The following FOXK2 variants were observed in gnomAD, a reference collection of about 807,000 sequenced individuals.
FOXK2 encodes forkhead box K2, also known as forkhead box protein K2.
Under a neutral mutation model 53.3 loss-of-function variants are expected in FOXK2, and 24 were observed. That is an observed-to-expected ratio of 0.45 (90% CI 0.33 to 0.63). The LOEUF (loss-of-function observed/expected upper bound fraction) is 0.63. Among genes scored for constraint, FOXK2 ranks in the 30% least tolerant of loss-of-function variants. The pLI, the probability that FOXK2 is intolerant of heterozygous loss-of-function variation, is 0.03. For synonymous variants in FOXK2, 505 were observed against 407.1 expected (o/e 1.24, Z -2.89); for missense variants, 952 against 910.5 (o/e 1.05, Z -0.59).
rs371793159 is a variant in FOXK2 at position 82,520,053 on chromosome 17, C to T, written c.165C>T (p.Thr55=). 9 of 1,537,890 alleles carry T rather than the reference C, an allele frequency of 5.9e-6. No individual in the cohort carries two copies. The highest frequency in any genetic ancestry group is 7.9e-6 in the Non-Finnish European group (9 of 1,144,450). The part of the protein sequence containing the change: ...FEYLMKKRSV[T]IGRNSSQGSV... ...ATCTGATGAAGAAGCGCTCGGTGACCATCGGCCGCAACTCGTCGCAGGGCT... is the reference window on the plus strand; with the variant it reads ...ATCTGATGAAGAAGCGCTCGGTGACTATCGGCCGCAACTCGTCGCAGGGCT... The change falls in exon 1 of 9, where the codon ACC becomes ACT. Residue 55 remains threonine (T), a synonymous_variant. Transcript: ENST00000335255.
chr17:82,586,129 T>A lies in FOXK2; in HGVS notation c.1505T>A (p.Val502Asp), dbSNP rs767426812. 3.7e-6 allele frequency: 6 copies of A among 1,612,226 alleles called. No homozygotes were observed. The highest frequency in any genetic ancestry group is 5.1e-6 in the Non-Finnish European group (6 of 1,179,870). ...NTYTVSGQAV[V>D]TPAAVLAPPK... ...TACACTGTCTCTGGACAAGCTGTGG[T>A]CACCCCGGCAGCCGTGCTGGCCCCT... The change falls in exon 7 of 9, where the codon GTC becomes GAC. Residue 502 changes from valine (V) to aspartate (D), a missense_variant. By Grantham distance (152) the Val-to-Asp change is radical. Around this residue, in one of 5 missense-constraint regions of FOXK2, gnomAD observed 551 missense variants for 385.1 expected, o/e 1.43. Transcript: ENST00000335255.
chr17:82,586,719 C>G (rs575230437), intron 7 of FOXK2, among the ~76,000 whole-genome samples: 2 of 151,956 alleles, frequency 1.3e-5, no homozygotes, highest in Non-Finnish European at 2.9e-5. Flanking sequence ...CTGACCAACA[C>G]GGAGAAACCC....
chr17:82,557,038 A>T (rs74464266), intron 1 of FOXK2, among the ~76,000 whole-genome samples: 24,374 of 141,336 alleles, frequency 0.17, 2,406 homozygotes, highest in East Asian at 0.39. Flanking sequence ...ATTATTTTTT[A>T]TTTTTTTTTT....
At chr17:82,579,107 G>A (rs947830573) in intron 4 of FOXK2, among the ~76,000 whole-genome samples, 2 of 152,176 alleles carry the variant, frequency 1.3e-5, no homozygotes, top group South Asian at 4.1e-4. Context: ...AGCGAGAGGG[G>A]AAGTCGTCCT....
chr17:82,576,603 G>T, intron 4 of FOXK2: 2 of 994,102 alleles, frequency 2.0e-6, no homozygotes, highest in East Asian at 2.5e-5. Context: ...ATTGGCTGGA[G>T]GGAGGACCCA....
intron 1 of FOXK2, among the ~76,000 whole-genome samples, chr17:82,549,440 A>G (rs910291856): frequency 6.6e-6 from 1 of 152,110 alleles, no homozygotes; most frequent in Non-Finnish European, 1.5e-5. Flanking sequence ...AGTACAGCAA[A>G]TGGGAGAGGG....
chr17:82,562,873 A>C (rs1283416290), intron 1 of FOXK2, among the ~76,000 whole-genome samples: 1 of 151,240 alleles, frequency 6.6e-6, no homozygotes, highest in East Asian at 2.0e-4. Context: ...TGGCACTATC[A>C]TAGCTCACTG....
intron 1 of FOXK2, among the ~76,000 whole-genome samples, chr17:82,547,962 C>T (rs1039851761): frequency 1.3e-5 from 2 of 152,178 alleles, no homozygotes; most frequent in Non-Finnish European, 2.9e-5. Flanking sequence ...TTTTCCTTTG[C>T]GATTGCTGGG....
chr17:82,578,718 G>A (rs1379331489), intron 4 of FOXK2: 4 of 152,172 alleles, frequency 2.6e-5, no homozygotes, highest in Non-Finnish European at 4.4e-5. Context: ...AAATAGGTTA[G>A]AATCTATTCT....
Position 82,586,003 on chromosome 17 carries a change from C to T in FOXK2, c.1379C>T (p.Thr460Ile), listed in dbSNP as rs976023084. ...VTYTVATPVT[T>I]STSQPPVVQT... ...TACACTGTGGCCACCCCAGTGACCA[C>T]CTCGACCTCCCAGCCACCCGTCGTG... Residue 460 changes from threonine (T) to isoleucine (I), a missense_variant, in exon 7 of 9, where the codon ACC (threonine) becomes ATC (isoleucine). By Grantham distance (89) the Thr-to-Ile change is moderately conservative. This residue lies in a region of FOXK2 where 551 missense variants were observed against 385.1 expected (regional missense o/e 1.43). Transcript: ENST00000335255. The T allele has an allele frequency of 6.2e-7, 1 of 1,612,838 alleles. No homozygotes were observed. The highest frequency in any genetic ancestry group is 8.5e-7 in the Non-Finnish European group (1 of 1,179,986).
At chr17:82,534,214 C>G (rs1263692067) in intron 1 of FOXK2, among the ~76,000 whole-genome samples, 3 of 151,798 alleles carry the variant, frequency 2.0e-5, no homozygotes, top group Non-Finnish European at 4.4e-5. Flanking sequence ...CTATTGCACT[C>G]AAGTCTGGGC....
intron 4 of FOXK2, among the ~76,000 whole-genome samples, chr17:82,572,570 C>G (rs192557889): frequency 6.7e-6 from 1 of 150,274 alleles, no homozygotes; most frequent in African/African-American, 2.4e-5. Context: ...GGTTTTTTCT[C>G]TGTGTATCTG....
intron 4 of FOXK2, among the ~76,000 whole-genome samples, chr17:82,573,368 C>T (rs900707089): frequency 1.3e-5 from 2 of 152,036 alleles, no homozygotes; most frequent in Non-Finnish European, 2.9e-5. Context: ...TTCCTGTCTA[C>T]AGCAAGGGGG....
At chr17:82,586,918 T>G (rs1166302209) in intron 7 of FOXK2, 145 bp from the exon 8 acceptor site, 3 of 763,898 alleles carry the variant, frequency 3.9e-6, no homozygotes, top group African/African-American at 1.8e-5. Flanking sequence ...AAAAAAAGAT[T>G]TGCTCATCTT....
intron 1 of FOXK2, among the ~76,000 whole-genome samples, chr17:82,524,980 CTT>C (rs371491887): frequency 4.3e-5 from 6 of 138,224 alleles, no homozygotes; most frequent in Non-Finnish European, 4.7e-5. Context: ...GACAAGGTGG[CTT>C]TTTTTTTTTT....
intron 5 of FOXK2, among the ~76,000 whole-genome samples, 157 bp downstream of exon 5, chr17:82,583,091 G>C (rs1199009376): frequency 6.6e-6 from 1 of 152,202 alleles, no homozygotes; most frequent in African/African-American, 2.4e-5. Flanking sequence ...GTGCTGCCCA[G>C]GTGTTTCTGG....
chr17:82,596,935 G>A (rs1370409197), intron 8 of FOXK2, among the ~76,000 whole-genome samples: 2 of 152,202 alleles, frequency 1.3e-5, no homozygotes, highest in African/African-American at 4.8e-5. Flanking sequence ...CAGTCCCCGG[G>A]TTGTCAGGCG....
chr17:82,540,275 G>A (rs2044561761), intron 1 of FOXK2, among the ~76,000 whole-genome samples: 1 of 139,564 alleles, frequency 7.2e-6, no homozygotes, highest in Non-Finnish European at 1.6e-5. Flanking sequence ...GAGCGAAACT[G>A]TCTCAAAAAA....
intron 1 of FOXK2, among the ~76,000 whole-genome samples, chr17:82,535,810 C>T (rs866222043): frequency 7.4e-5 from 11 of 149,448 alleles, no homozygotes; most frequent in African/African-American, 2.2e-4. Flanking sequence ...TGCAGTGGCG[C>T]GATCTGGGCT....
Sources: gnomAD v4.1 joint callset for allele counts (sites outside exome capture counted in the v4.1 genomes callset) on GRCh38, gnomAD v4.1.1 for gene constraint, gnomAD v4.1.1 regional missense constraint, MANE v1.5 for transcripts, NCBI Gene and HGNC (gene_info 2026-07-23, HGNC 2026-07-21) for gene names.